The following RASA3 variants were observed in gnomAD, a reference collection of about 807,000 sequenced individuals.
RASA3 encodes the protein RAS p21 protein activator 3, also known as ras GTPase-activating protein 3.
In RASA3, 73 loss-of-function variants were observed where a neutral mutation model predicts 110.0. The observed-to-expected ratio is 0.66, with a 90% CI of 0.55 to 0.81. The LOEUF (loss-of-function observed/expected upper bound fraction) is 0.81, where lower values mean the gene tolerates loss of function less well. Among genes scored for constraint, RASA3 ranks in the 30% least tolerant of loss-of-function variants. RASA3 has a pLI of 0.00. For missense variants in RASA3, 976 were observed against 1,113.2 expected, an observed-to-expected ratio of 0.88 and a Z score of 1.75; for synonymous variants, 500 against 451.4, an observed-to-expected ratio of 1.11 and a Z score of -1.37.
intron 1 of RASA3, among the ~76,000 whole-genome samples, chr13:114,101,701 TCC>T (rs1242462985): frequency 6.6e-6 from 1 of 152,184 alleles, no homozygotes; most frequent in African/African-American, 2.4e-5. Flanking sequence ...ACTGGAAGCT[TCC>T]AGGGAAGACG....
chr13:114,113,212 G>A (rs545072849), intron 1 of RASA3, among the ~76,000 whole-genome samples: 24 of 152,322 alleles, frequency 1.6e-4, no homozygotes, highest in African/African-American at 4.8e-4. Context: ...CAGCCACACC[G>A]GCCTCCTCCT....
chr13:114,065,981 C>A lies in RASA3; in HGVS notation c.173+7739G>T, dbSNP rs2079441977. 6.6e-6 allele frequency among the ~76,000 whole-genome samples: 1 copy of A among 152,262 alleles called. No individual in the cohort carries two copies. The highest frequency in any genetic ancestry group is 2.1e-4 in the South Asian group (1 of 4,820). ...GCGGCCGTGGTGAGCCACCTCACCT[C>A]CCCGAGCCTCAGTCTCCCCATCTGT... On this transcript the variant is annotated intron_variant, in intron 2 of 23. Coordinates refer to ENST00000334062, the MANE Select transcript of RASA3 (RefSeq NM_007368.4). This position sits in a 1 kb window ranked among gnomAD's most constrained non-coding sequence, Gnocchi z 4.1.
chr13:113,993,425 C>T (rs1281226582), intron 21 of RASA3, among the ~76,000 whole-genome samples: 2 of 152,028 alleles, frequency 1.3e-5, no homozygotes, highest in African/African-American at 4.8e-5. Flanking sequence ...ATCCACCCAC[C>T]TCGACCTCCC....
intron 13 of RASA3, among the ~76,000 whole-genome samples, chr13:114,015,536 G>A (rs1393426462): frequency 2.6e-5 from 4 of 152,232 alleles, no homozygotes; most frequent in Non-Finnish European, 4.4e-5. Context: ...TCACTACACA[G>A]GCACCACGTC....
intron 1 of RASA3, among the ~76,000 whole-genome samples, chr13:114,076,262 T>C (rs1229289695): frequency 2.0e-5 from 3 of 152,192 alleles, no homozygotes; most frequent in African/African-American, 7.2e-5. Flanking sequence ...TAAGGAAGCA[T>C]CAATGATAAT....
At chr13:114,040,923 C>T in intron 4 of RASA3, 77 bp downstream of exon 4, 7 of 1,364,206 alleles carry the variant, frequency 5.1e-6, no homozygotes, top group Non-Finnish European at 6.2e-6. Context: ...TCTTTAGCCA[C>T]AGTCGGAGCC....
rs1248764457 is a variant in RASA3 at position 114,088,148 on chromosome 13, AAGAG to A, written c.56-14315_56-14312del. On this transcript the variant is annotated intron_variant, in intron 1 of 23. Transcript: ENST00000334062. The stretch of plus-strand genomic sequence containing the variant: ...CCTGTCTCAAAAAAAAATAAAAGGA[AAGAG>A]AGACACATCAGTCACAGATACACAC... Among the ~76,000 whole-genome samples the A allele has an allele frequency of 4.0e-4, 61 of 152,212 alleles. 1 individual carries two copies. The highest frequency in any genetic ancestry group is 2.6e-3 in the Admixed American group (39 of 15,278).
chr13:114,033,254 CT>C (rs2054211599), intron 4 of RASA3, among the ~76,000 whole-genome samples: 5 of 106,134 alleles, frequency 4.7e-5, no homozygotes, highest in Admixed American at 1.0e-4. Flanking sequence ...CACCCCCACA[CT>C]TGACACCACG....
chr13:114,003,495 T>A (rs1192827569), intron 18 of RASA3, among the ~76,000 whole-genome samples: 3 of 152,252 alleles, frequency 2.0e-5, no homozygotes, highest in Non-Finnish European at 4.4e-5. Flanking sequence ...AGTTTCCTCT[T>A]CAAAGTTTCC....
In RASA3 at chr13:114,040,037, G is replaced by A. The variant is rs575023938; in HGVS notation, c.372+963C>T. Among the ~76,000 whole-genome samples, 35 of 152,350 alleles carry A rather than the reference G, an allele frequency of 2.3e-4. 2 individuals are homozygous for A. Among genetic ancestry groups the A allele is most frequent in the African/African-American group, 7.7e-4 (32 of 41,566 alleles). Reference sequence around the variant, plus strand: ...GGTCCCTGAGGGCTGACCCTGGCTCGGCCCTTCCCCACCCATGTTTTCTCT... The same window carrying A: ...GGTCCCTGAGGGCTGACCCTGGCTCAGCCCTTCCCCACCCATGTTTTCTCT... On this transcript the variant is annotated intron_variant, in intron 4 of 23. Transcript: ENST00000334062.
At chr13:114,123,498 C>T (rs2080406111) in intron 1 of RASA3, among the ~76,000 whole-genome samples, 1 of 152,230 alleles carries the variant, frequency 6.6e-6, no homozygotes, top group African/African-American at 2.4e-5. Context: ...GCTCCAACGC[C>T]ACACGAACAG....
chr13:114,058,334 G>A (rs1041684518), intron 2 of RASA3, among the ~76,000 whole-genome samples: 1 of 152,150 alleles, frequency 6.6e-6, no homozygotes, highest in African/African-American at 2.4e-5. Context: ...GGATTCCTCG[G>A]GCGTGAGGCT....
chr13:114,098,880 G>A (rs1324237895), intron 1 of RASA3, among the ~76,000 whole-genome samples: 1 of 152,174 alleles, frequency 6.6e-6, no homozygotes, highest in Non-Finnish European at 1.5e-5. Context: ...ACAAGAAAAA[G>A]AGGCTGCACA....
In RASA3 at chr13:114,018,807, A is replaced by C; in HGVS notation, c.898T>G (p.Tyr300Asp). ...AACAGCAGGTCCCGCAGAGGGCTGT[A>C]ATAGTCAGAAGAAAACACGTGGTCT... is the stretch of plus-strand genomic sequence containing the variant. ...TEDHVFSSDYYSPLRDLLLKS... is the reference protein window; with the variant it reads ...TEDHVFSSDYDSPLRDLLLKS... Residue 300 changes from tyrosine (Y) to aspartate (D), a missense_variant, in exon 10 of 24, where the codon TAC becomes GAC. Coordinates refer to ENST00000334062, the MANE Select transcript of RASA3 (RefSeq NM_007368.4). The C allele has an allele frequency of 6.2e-7, 1 of 1,613,730 alleles. No individual in the cohort carries two copies. The highest frequency in any genetic ancestry group is 8.5e-7 in the Non-Finnish European group (1 of 1,179,996).
Position 114,024,368 on chromosome 13 carries a change from G to C in RASA3, c.604-13C>G, listed in dbSNP as rs975369611. The C allele has an allele frequency of 3.7e-6, 6 of 1,612,820 alleles. No individual in the cohort carries two copies. In the East Asian group the frequency reaches 8.9e-5, roughly 24 times the overall value. On this transcript the variant is annotated splice_polypyrimidine_tract_variant and intron_variant, in intron 7 of 23. Transcript: ENST00000334062. ...AGGGCCGGGTCACCTGGAGTCAGAC[G>C]AGAGAGAAAGCGCTGAGACCGCGGT...
rs755137503 is a variant in RASA3, at chr13:114,052,035, G to T, written c.277+17C>A. On this transcript the variant is annotated intron_variant, in intron 3 of 23. Coordinates refer to ENST00000334062, the MANE Select transcript of RASA3 (RefSeq NM_007368.4). ...AACAGGCAGAAAAGGGGAAGTAAAT[G>T]CTCATTCATCACCTACCTATGATGG... The T allele has an allele frequency of 9.7e-6, 15 of 1,544,584 alleles. No individual in the cohort carries two copies. Among genetic ancestry groups the T allele is most frequent in the East Asian group, 9.0e-5 (4 of 44,498 alleles).
At chr13:114,093,752 TTC>T (rs1045817938) in intron 1 of RASA3, among the ~76,000 whole-genome samples, 10 of 149,750 alleles carry the variant, frequency 6.7e-5, no homozygotes, top group Admixed American at 4.0e-4. Context: ...TTCATTTTTT[TTC>T]TTTTTTCTTC....
chr13:114,031,270 T>C (rs1315196757), intron 4 of RASA3, among the ~76,000 whole-genome samples: 2 of 148,884 alleles, frequency 1.3e-5, no homozygotes, highest in Non-Finnish European at 2.9e-5. Context: ...TGTGTTTGCA[T>C]GAAACTGTGT....
rs182310053 is a variant in RASA3, at chr13:114,056,302, G to A, written c.174-4147C>T. ...TGCATATTTGGTGCGTGTCCGGTGC[G>A]TGGTGAGGGGCGGTGAGATGAGGAT... is the stretch of plus-strand genomic sequence containing the variant. On this transcript the variant is annotated intron_variant, in intron 2 of 23. Transcript: ENST00000334062. This position sits in a 1 kb window ranked among gnomAD's most constrained non-coding sequence, Gnocchi z 5.7. Among the ~76,000 whole-genome samples, 12 of 152,320 alleles carry A rather than the reference G, an allele frequency of 7.9e-5. No homozygotes were observed. The highest frequency in any genetic ancestry group is 5.2e-4 in the Admixed American group (8 of 15,304).
Sources: allele counts gnomAD v4.1 joint callset (sites outside exome capture counted in the v4.1 genomes callset), GRCh38; gene constraint gnomAD v4.1.1; non-coding constraint Gnocchi (gnomAD v3.1); transcripts MANE v1.5; gene names NCBI Gene and HGNC (gene_info 2026-07-23, HGNC 2026-07-21).